Variants in ZNF395 observed in about 807,000 individuals in gnomAD.
ZNF395 encodes zinc finger protein 395, also known as HD gene regulatory region-binding protein 2.
ZNF395 carries 20 observed loss-of-function variants against 57.7 expected under a neutral mutation model. The ratio of observed to expected loss-of-function variants is 0.35; its 90% CI spans 0.24 to 0.50. The LOEUF (loss-of-function observed/expected upper bound fraction) is 0.50. Ranked by LOEUF, ZNF395 falls within the 20% of genes least tolerant of loss-of-function variation. ZNF395 has a pLI of 0.97. For missense variants in ZNF395, 606 were observed against 671.2 expected (o/e 0.90, Z 1.07); for synonymous variants, 295 against 275.9 (o/e 1.07, Z -0.69).
intron 1 of ZNF395, among the ~76,000 whole-genome samples, chr8:28,378,073 T>C (rs1341464757): frequency 2.0e-5 from 3 of 152,038 alleles, no homozygotes; most frequent in Admixed American, 6.5e-5. Context: ...CTACTACTTG[T>C]CTACATGTCA....
At chr8:28,381,658 C>T (rs1251616777) in intron 1 of ZNF395, among the ~76,000 whole-genome samples, 2 of 152,248 alleles carry the variant, frequency 1.3e-5, no homozygotes, top group East Asian at 1.9e-4. Flanking sequence ...AAATCAGCCT[C>T]GTCTGCTGGG....
intron 7 of ZNF395, among the ~76,000 whole-genome samples, chr8:28,350,726 T>G (rs929482068): frequency 6.6e-6 from 1 of 152,238 alleles, no homozygotes; most frequent in African/African-American, 2.4e-5. Context: ...TTCATAAAGC[T>G]TTCTCACTGA....
intron 1 of ZNF395, among the ~76,000 whole-genome samples, chr8:28,377,815 T>G (rs1231985497): frequency 6.9e-6 from 1 of 145,308 alleles, no homozygotes; most frequent in African/African-American, 2.6e-5. Flanking sequence ...TGGAGTGCAG[T>G]AGCATGATCT....
At chr8:28,361,391 G>A (rs1002661240) in intron 1 of ZNF395, among the ~76,000 whole-genome samples, 1 of 152,156 alleles carries the variant, frequency 6.6e-6, no homozygotes, top group African/African-American at 2.4e-5. Flanking sequence ...AGCAGGCCAG[G>A]CTTCCTTCTG....
At chr8:28,385,696 G>A (rs929927486) in intron 1 of ZNF395, among the ~76,000 whole-genome samples, 2 of 148,678 alleles carry the variant, frequency 1.3e-5, no homozygotes, top group Admixed American at 6.7e-5. Context: ...GCCGGGGAGG[G>A]GCAGGCGGGC....
intron 8 of ZNF395, 147 bp downstream of exon 8, chr8:28,349,915 CAT>C: frequency 1.5e-6 from 1 of 658,896 alleles, no homozygotes; most frequent in Non-Finnish European, 2.4e-6. Context: ...AGCACAAGGA[CAT>C]CTTCAACACG....
At chr8:28,360,835 AC>A (rs771467212) in intron 2 of ZNF395, 49 bp downstream of exon 2, 6 of 1,598,276 alleles carry the variant, frequency 3.8e-6, no homozygotes, top group Non-Finnish European at 5.1e-6. Flanking sequence ...CCAGCCCCCT[AC>A]CCCAAGACTG....
At chr8:28,353,865 T>C (rs1424502160) in intron 4 of ZNF395, among the ~76,000 whole-genome samples, 1 of 152,198 alleles carries the variant, frequency 6.6e-6, no homozygotes, top group Non-Finnish European at 1.5e-5. Context: ...CCCAGAGTGT[T>C]GGGTACCACC....
rs935112185 is a variant in ZNF395, at chr8:28,356,396, T to C, written c.583+274A>G. On this transcript the variant is annotated intron_variant, in intron 4 of 9. Coordinates refer to ENST00000344423, the MANE Select transcript of ZNF395 (RefSeq NM_018660.3). The surrounding 1 kb of genome is among the most constrained non-coding windows in gnomAD (Gnocchi z 4.0). ...AAAGTGCTGGGCTCAGCCACTCCCA[T>C]TGAAGAACTTACTCCACTGGCCACT... Among the ~76,000 whole-genome samples, 3 of 152,168 alleles carry C rather than the reference T, an allele frequency of 2.0e-5. No homozygotes were observed. The highest frequency in any genetic ancestry group is 7.2e-5 in the African/African-American group (3 of 41,426).
In ZNF395 at chr8:28,361,026, G is replaced by C. The variant is rs1455487106; in HGVS notation, c.99C>G (p.Pro33=). 6.2e-7 allele frequency: 1 copy of C among 1,610,578 alleles called. No homozygotes were observed. Among genetic ancestry groups the C allele is most frequent in the Admixed American group, 1.7e-5 (1 of 59,760 alleles). Residue 33 remains proline, a synonymous_variant, in exon 2 of 10, where the codon CCC becomes CCG. Coordinates refer to ENST00000344423, the MANE Select transcript of ZNF395 (RefSeq NM_018660.3). ...CGGCCCCTTCTAGCAGTGGCTCCGA[G>C]GGTGGGGCAGCCGAGGGCCCCTCCG... The part of the protein sequence containing the change: ...SASEGPSAAP[P]SEPLLEGAAP...
At chr8:28,377,244 T>TA (rs201237007) in intron 1 of ZNF395, among the ~76,000 whole-genome samples, 1 of 152,048 alleles carries the variant, frequency 6.6e-6, no homozygotes, top group Non-Finnish European at 1.5e-5. Flanking sequence ...TGCAAAAATT[T>TA]AAAAAAAATT....
intron 1 of ZNF395, among the ~76,000 whole-genome samples, chr8:28,370,340 A>T (rs1246993362): frequency 6.6e-6 from 1 of 152,192 alleles, no homozygotes; most frequent in Non-Finnish European, 1.5e-5. Context: ...AAATAAACGG[A>T]GTGGAGGAGG....
In ZNF395 at chr8:28,353,305, G is replaced by C; in HGVS notation, c.687C>G (p.Thr229=). ...GHWSGSSGVS[T]PSPPHPQASP... ...TGGCCTGGGGGTGGGGGGGCGAGGGGGTGGAGACACCACTGCTCCCACTCC... is the reference window on the plus strand; with the variant it reads ...TGGCCTGGGGGTGGGGGGGCGAGGGCGTGGAGACACCACTGCTCCCACTCC... Residue 229 remains threonine, a synonymous_variant, in exon 5 of 10, where the codon ACC becomes ACG. Transcript: ENST00000344423. 1 of 1,606,122 alleles carries C rather than the reference G, an allele frequency of 6.2e-7. No homozygotes were observed. The highest frequency in any genetic ancestry group is 1.3e-5 in the African/African-American group (1 of 74,922).
At chr8:28,366,858 C>T (rs1313433421) in intron 1 of ZNF395, among the ~76,000 whole-genome samples, 1 of 150,588 alleles carries the variant, frequency 6.6e-6, no homozygotes, top group Non-Finnish European at 1.5e-5. Context: ...ATACATGGAC[C>T]TTTTCTTTGA....
chr8:28,369,137 A>ATTT (rs571228550), intron 1 of ZNF395, among the ~76,000 whole-genome samples: 2 of 136,734 alleles, frequency 1.5e-5, no homozygotes. Flanking sequence ...TGCCTGGCCA[A>ATTT]TTTTTTTTTT....
chr8:28,370,416 T>G (rs760450416), intron 1 of ZNF395, among the ~76,000 whole-genome samples: 1 of 152,138 alleles, frequency 6.6e-6, no homozygotes, highest in Non-Finnish European at 1.5e-5. Context: ...AGGAAGCCAT[T>G]TAAGGAATCT....
chr8:28,346,637 G>A lies in ZNF395; in HGVS notation c.*2082C>T, dbSNP rs994183198. On this transcript the variant is annotated 3_prime_UTR_variant, in exon 10 of 10. Coordinates refer to ENST00000344423, the MANE Select transcript of ZNF395 (RefSeq NM_018660.3). ...TCCGTATATCCAGTTATATCTACAC[G>A]GTCCAAACTGGGGGCGGGGGGAATT... The A allele has an allele frequency of 7.2e-5, 11 of 152,148 alleles. No individual in the cohort carries two copies. The highest frequency in any genetic ancestry group is 6.5e-5 in the Admixed American group (1 of 15,272). 9.4% of individuals were successfully genotyped at this position (152,148 alleles called of 1,614,324 possible).
intron 1 of ZNF395, among the ~76,000 whole-genome samples, chr8:28,381,959 C>T (rs940059895): frequency 7.2e-5 from 11 of 152,130 alleles, no homozygotes; most frequent in Non-Finnish European, 1.5e-4. Context: ...AAAACAAATC[C>T]GGTGCACAGA....
chr8:28,366,320 T>C (rs1243770132), intron 1 of ZNF395, among the ~76,000 whole-genome samples: 1 of 152,194 alleles, frequency 6.6e-6, no homozygotes, highest in East Asian at 1.9e-4. Context: ...GGTGTTTGGT[T>C]AATATTTAAC....
Sources: gnomAD v4.1 joint callset for allele counts (sites outside exome capture counted in the v4.1 genomes callset) on GRCh38, gnomAD v4.1.1 for gene constraint, Gnocchi (gnomAD v3.1) non-coding constraint, MANE v1.5 for transcripts, NCBI Gene and HGNC (gene_info 2026-07-23, HGNC 2026-07-21) for gene names.